The following SNX29 variants were observed in gnomAD, a reference collection of about 807,000 sequenced individuals.
SNX29 encodes sorting nexin 29.
Under a neutral mutation model 102.1 loss-of-function variants are expected in SNX29, and 78 were observed. The observed-to-expected ratio is 0.76, with a 90% CI of 0.64 to 0.92. The LOEUF (loss-of-function observed/expected upper bound fraction) is 0.92, where lower values mean the gene tolerates loss of function less well. SNX29 is among the 40% of genes least tolerant of loss of function. The pLI is 0.00. For synonymous variants in SNX29, 580 were observed against 414.5 expected (o/e 1.40, Z -4.85); for missense variants, 1,280 against 1,061.7 (o/e 1.21, Z -2.86).
intron 15 of SNX29, among the ~76,000 whole-genome samples, chr16:12,341,592 T>G (rs2151258728): frequency 6.6e-6 from 1 of 152,386 alleles, no homozygotes; most frequent in East Asian, 1.9e-4. Context: ...GGGACTGTTC[T>G]GCTCCACATA....
chr16:12,229,731 G>C (rs1049248319), intron 14 of SNX29, among the ~76,000 whole-genome samples: 6 of 152,072 alleles, frequency 3.9e-5, no homozygotes, highest in Non-Finnish European at 8.8e-5. Flanking sequence ...CTGTTCTTGG[G>C]GTAGTGCCTT....
intron 13 of SNX29, among the ~76,000 whole-genome samples, chr16:12,193,635 T>C (rs756481796): frequency 1.3e-5 from 2 of 152,262 alleles, no homozygotes; most frequent in Non-Finnish European, 2.9e-5. Context: ...AGTTTTAAAT[T>C]ACATTTGTTT....
At chr16:12,329,346 A>G (rs1344889511) in intron 15 of SNX29, among the ~76,000 whole-genome samples, 1 of 151,458 alleles carries the variant, frequency 6.6e-6, no homozygotes, top group Non-Finnish European at 1.5e-5. Context: ...CAGCTTAGCA[A>G]CTGTAGGCAA....
At chr16:12,386,361 C>T (rs1199035825) in intron 16 of SNX29, among the ~76,000 whole-genome samples, 1 of 152,206 alleles carries the variant, frequency 6.6e-6, no homozygotes, top group African/African-American at 2.4e-5. Context: ...CAACAAACCT[C>T]TGAGGGAGCT....
At chr16:12,208,702 G>A (rs1343077106) in intron 14 of SNX29, among the ~76,000 whole-genome samples, 2 of 152,090 alleles carry the variant, frequency 1.3e-5, no homozygotes, top group Non-Finnish European at 1.5e-5. Context: ...TTGGCCAGGT[G>A]TGCTGGTGCG....
In SNX29 at chr16:11,980,144, T is replaced by G. The variant is rs536679143; in HGVS notation, c.7+3331T>G. 2.0e-4 allele frequency among the ~76,000 whole-genome samples: 30 copies of G among 152,266 alleles called. No homozygotes were observed. In the South Asian group the frequency reaches 4.1e-3, roughly 21 times the overall value. ...ATTTTAATTACCTTAGAAAGAAACTTTGTACCCATTAGCAGTCATTCATCT... is the reference window on the plus strand; with the variant it reads ...ATTTTAATTACCTTAGAAAGAAACTGTGTACCCATTAGCAGTCATTCATCT... On this transcript the variant is annotated intron_variant, in intron 1 of 20. Transcript: ENST00000566228.
intron 3 of SNX29, among the ~76,000 whole-genome samples, chr16:12,013,488 GAAAA>G (rs564156499): frequency 4.6e-4 from 6 of 12,970 alleles, no homozygotes; most frequent in Admixed American, 1.8e-3. Flanking sequence ...TCTACTGGGG[GAAAA>G]AAAAAAAAAT....
chr16:12,260,052 T>G (rs995935140), intron 14 of SNX29, among the ~76,000 whole-genome samples: 26 of 152,252 alleles, frequency 1.7e-4, no homozygotes, highest in Non-Finnish European at 3.4e-4. Context: ...CATTGAGGCT[T>G]CACAGGCACT....
intron 18 of SNX29, among the ~76,000 whole-genome samples, chr16:12,473,039 C>G (rs1454337900): frequency 6.6e-6 from 1 of 152,046 alleles, no homozygotes; most frequent in African/African-American, 2.4e-5. Flanking sequence ...GAATTATTAT[C>G]TTTATGGCTC....
intron 13 of SNX29, among the ~76,000 whole-genome samples, chr16:12,199,093 G>A (rs908390222): frequency 6.6e-6 from 1 of 152,198 alleles, no homozygotes; most frequent in African/African-American, 2.4e-5. Flanking sequence ...TCTGTAAAAT[G>A]AGGGTTGTGT....
chr16:12,069,052 C>A lies in SNX29; in HGVS notation c.1244-5C>A. 1.2e-6 allele frequency: 2 copies of A among 1,613,778 alleles called. No homozygotes were observed. The highest frequency in any genetic ancestry group is 1.7e-6 in the Non-Finnish European group (2 of 1,179,758). ...CCTCTTTCTGTGATTGCTCTCTCTG[C>A]ACAGATGCCCCCCTCGGAAGCCTGG... is the stretch of plus-strand genomic sequence containing the variant. On this transcript the variant is annotated splice_polypyrimidine_tract_variant and splice_region_variant and intron_variant, in intron 9 of 20. Transcript: ENST00000566228.
At chr16:12,566,305 A>C (rs143884081) in intron 20 of SNX29, among the ~76,000 whole-genome samples, 8 of 152,116 alleles carry the variant, frequency 5.3e-5, no homozygotes, top group Admixed American at 4.6e-4. Flanking sequence ...ACGTGCCTCC[A>C]AGCTATGTCC....
chr16:12,299,323 T>A (rs1041180275), intron 15 of SNX29, among the ~76,000 whole-genome samples: 1 of 152,170 alleles, frequency 6.6e-6, no homozygotes, highest in African/African-American at 2.4e-5. Flanking sequence ...TACAAATTTA[T>A]GTATTTAAGC....
intron 18 of SNX29, among the ~76,000 whole-genome samples, chr16:12,410,664 T>G (rs1415619232): frequency 1.3e-5 from 2 of 151,430 alleles, no homozygotes; most frequent in African/African-American, 4.9e-5. Flanking sequence ...TAACTCCTGG[T>G]CTCAAGTGAT....
chr16:12,197,350 A>G (rs949048241), intron 13 of SNX29, among the ~76,000 whole-genome samples: 4 of 152,052 alleles, frequency 2.6e-5, no homozygotes, highest in African/African-American at 9.7e-5. Context: ...TGGGCGGATC[A>G]CTTAAGGTCA....
intron 15 of SNX29, among the ~76,000 whole-genome samples, chr16:12,334,411 G>C (rs1026816238): frequency 3.9e-5 from 6 of 152,018 alleles, no homozygotes; most frequent in African/African-American, 1.4e-4. Context: ...ATCATCCCCG[G>C]GTGCATTCGA....
intron 13 of SNX29, among the ~76,000 whole-genome samples, chr16:12,187,924 A>G (rs967854410): frequency 6.6e-6 from 1 of 152,022 alleles, no homozygotes; most frequent in East Asian, 1.9e-4. Context: ...TCGGATAATC[A>G]TTTTCTGAAG....
At chr16:12,382,316 C>A (rs1232232471) in intron 16 of SNX29, among the ~76,000 whole-genome samples, 1 of 152,128 alleles carries the variant, frequency 6.6e-6, no homozygotes, top group South Asian at 2.1e-4. Context: ...ATGGTGTGAA[C>A]CTTGCTCCGT....
intron 14 of SNX29, among the ~76,000 whole-genome samples, chr16:12,260,937 G>C (rs2078728378): frequency 6.6e-6 from 1 of 150,706 alleles, no homozygotes; most frequent in Non-Finnish European, 1.5e-5. Flanking sequence ...CGCGCCCCCG[G>C]CTGGAGTGAG....
Sources: allele counts gnomAD v4.1 joint callset (sites outside exome capture counted in the v4.1 genomes callset), GRCh38; gene constraint gnomAD v4.1.1; transcripts MANE v1.5; gene names NCBI Gene and HGNC (gene_info 2026-07-23, HGNC 2026-07-21).